Variants in BBS9 observed in about 807,000 individuals in gnomAD.
The protein encoded by BBS9 is Bardet-Biedl syndrome 9, also known as protein PTHB1.
BBS9 carries 89 observed loss-of-function variants against 117.7 expected under a neutral mutation model. The observed-to-expected ratio is 0.76, with a 90% CI of 0.64 to 0.90. BBS9 has a LOEUF of 0.90. BBS9 is among the 40% of genes least tolerant of loss of function. BBS9 has a pLI of 0.00. For synonymous variants in BBS9, 379 were observed against 370.9 expected, an observed-to-expected ratio of 1.02 and a Z score of -0.25; for missense variants, 982 against 1,042.2, an observed-to-expected ratio of 0.94 and a Z score of 0.80.
At chr7:33,194,516 T>C (rs1411767334) in intron 5 of BBS9, among the ~76,000 whole-genome samples, 1 of 152,078 alleles carries the variant, frequency 6.6e-6, no homozygotes, top group African/African-American at 2.4e-5. Flanking sequence ...TTACATTTTT[T>C]AAAGGGTCTT....
chr7:33,518,384 G>A (rs546920249), intron 20 of BBS9, among the ~76,000 whole-genome samples: 62 of 151,432 alleles, frequency 4.1e-4, no homozygotes, highest in Non-Finnish European at 6.6e-4. Flanking sequence ...CCGAGTAGCT[G>A]GGATTACAGG....
chr7:33,500,459 G>A (rs1483399233), intron 19 of BBS9, among the ~76,000 whole-genome samples: 1 of 152,238 alleles, frequency 6.6e-6, no homozygotes, highest in African/African-American at 2.4e-5. Context: ...ACCACAGGCA[G>A]TGTGTTCAGA....
At chr7:33,542,697 ATATGTGTGTG>A (rs1852526178) in intron 21 of BBS9, among the ~76,000 whole-genome samples, 1 of 94,506 alleles carries the variant, frequency 1.1e-5, no homozygotes, top group Admixed American at 1.2e-4. Context: ...TCCATTATAT[ATATGTGTGTG>A]TGTGTGTGTG....
chr7:33,224,312 A>G (rs1298620329), intron 5 of BBS9, among the ~76,000 whole-genome samples: 1 of 152,214 alleles, frequency 6.6e-6, no homozygotes, highest in Non-Finnish European at 1.5e-5. Flanking sequence ...CACAGCTACT[A>G]AGTCAGAGCT....
At chr7:33,307,562 A>C (rs1351123715) in intron 9 of BBS9, among the ~76,000 whole-genome samples, 1 of 152,030 alleles carries the variant, frequency 6.6e-6, no homozygotes, top group Non-Finnish European at 1.5e-5. Flanking sequence ...CTGCAGATCC[A>C]AAACCTATGA....
intron 20 of BBS9, among the ~76,000 whole-genome samples, chr7:33,514,658 A>C (rs1447660493): frequency 6.6e-6 from 1 of 152,232 alleles, no homozygotes; most frequent in Non-Finnish European, 1.5e-5. Context: ...TTCTTCTTCA[A>C]TAAGATATGC....
chr7:33,450,125 AATC>A (rs1269273391), intron 19 of BBS9, among the ~76,000 whole-genome samples: 1 of 152,162 alleles, frequency 6.6e-6, no homozygotes, highest in Non-Finnish European at 1.5e-5. Flanking sequence ...CGTGCAGTGG[AATC>A]ATGTCTTTTT....
chr7:33,626,921 G>A (rs1269875209), intron 21 of BBS9, among the ~76,000 whole-genome samples: 1 of 152,230 alleles, frequency 6.6e-6, no homozygotes, highest in Non-Finnish European at 1.5e-5. Flanking sequence ...GCCTGACCAT[G>A]TGGTAGAAAG....
intron 20 of BBS9, among the ~76,000 whole-genome samples, chr7:33,511,024 G>A (rs1445699006): frequency 6.6e-6 from 1 of 152,214 alleles, no homozygotes; most frequent in Non-Finnish European, 1.5e-5. Context: ...CTGGGGAGAT[G>A]TATGCATATA....
chr7:33,544,207 G>C (rs2129076386), intron 21 of BBS9, among the ~76,000 whole-genome samples: 1 of 152,234 alleles, frequency 6.6e-6, no homozygotes. Flanking sequence ...AGGTAAATCA[G>C]GGATTTCTTC....
At chr7:33,552,407 T>A (rs966591396) in intron 21 of BBS9, among the ~76,000 whole-genome samples, 4 of 152,104 alleles carry the variant, frequency 2.6e-5, no homozygotes, top group Non-Finnish European at 5.9e-5. Context: ...TTCCAACACA[T>A]CCACTCCACT....
At chr7:33,423,151 G>A (rs1000273219) in intron 19 of BBS9, among the ~76,000 whole-genome samples, 32 of 152,136 alleles carry the variant, frequency 2.1e-4, no homozygotes, top group Admixed American at 3.9e-4. Context: ...AGATACTACA[G>A]AAGCTACCTG....
chr7:33,332,132 A>G (rs945328871), intron 9 of BBS9, among the ~76,000 whole-genome samples: 4 of 152,146 alleles, frequency 2.6e-5, no homozygotes, highest in African/African-American at 9.7e-5. Context: ...AGGATAGAGA[A>G]CCCAGAAATA....
chr7:33,250,779 G>T (rs1461282669), intron 5 of BBS9, among the ~76,000 whole-genome samples: 1 of 152,124 alleles, frequency 6.6e-6, no homozygotes, highest in Admixed American at 6.6e-5. Flanking sequence ...ATTTTGCCTA[G>T]CTTACTTCAG....
At chr7:33,503,353 C>G (rs1845709185) in intron 19 of BBS9, among the ~76,000 whole-genome samples, 1 of 152,054 alleles carries the variant, frequency 6.6e-6, no homozygotes, top group Non-Finnish European at 1.5e-5. Flanking sequence ...TCAACTAAGT[C>G]GCAGGGGAGA....
At chr7:33,461,109 A>C (rs778404437) in intron 19 of BBS9, among the ~76,000 whole-genome samples, 1 of 151,960 alleles carries the variant, frequency 6.6e-6, no homozygotes, top group African/African-American at 2.4e-5. Context: ...ATGTGGCTGT[A>C]CCATGCTTTG....
At chr7:33,345,434 G>C (rs1390119118) in intron 12 of BBS9, among the ~76,000 whole-genome samples, 3 of 152,154 alleles carry the variant, frequency 2.0e-5, no homozygotes, top group African/African-American at 7.2e-5. Context: ...TTAGATTATG[G>C]GTTGCTCTCC....
chr7:33,335,425 A>G (rs559066787), intron 9 of BBS9, among the ~76,000 whole-genome samples: 2 of 152,152 alleles, frequency 1.3e-5, no homozygotes, highest in East Asian at 1.9e-4. Context: ...AAAAAAATCA[A>G]AAGTTTCTGT....
At chr7:33,310,124 C>G (rs1808905230) in intron 9 of BBS9, among the ~76,000 whole-genome samples, 1 of 152,194 alleles carries the variant, frequency 6.6e-6, no homozygotes, top group Admixed American at 6.5e-5. Flanking sequence ...CTTGCCTCCT[C>G]AATCACCCCA....
Sources: gnomAD v4.1 joint callset for allele counts (sites outside exome capture counted in the v4.1 genomes callset) on GRCh38, gnomAD v4.1.1 for gene constraint, MANE v1.5 for transcripts, NCBI Gene and HGNC (gene_info 2026-07-23, HGNC 2026-07-21) for gene names.